POLR2F: variants seen among roughly 807,000 people sequenced by gnomAD.
POLR2F encodes DNA-directed RNA polymerases I, II, and III subunit RPABC2.
A neutral mutation model predicts 22.7 loss-of-function variants in POLR2F; 12 were observed. That is an observed-to-expected ratio of 0.53 (90% confidence interval 0.34 to 0.86). The LOEUF (loss-of-function observed/expected upper bound fraction) is 0.86, where lower values mean the gene tolerates loss of function less well. POLR2F is among the 40% of genes least tolerant of loss of function. The pLI is 0.02. For synonymous variants in POLR2F, 57 were observed against 66.0 expected (o/e 0.86, Z 0.66); for missense variants, 126 against 171.5 (o/e 0.73, Z 1.48).
Position 37,968,348 on chromosome 22 carries a change from C to T in POLR2F, c.*633C>T, listed in dbSNP as rs180857842. 211 of 985,974 alleles carry T rather than the reference C, an allele frequency of 2.1e-4. 1 individual carries two copies. The East Asian group carries it at 0.011, about 52-fold the overall frequency. The allele number at this position is 985,974 out of a possible 1,614,324, so 61.1% of individuals were successfully genotyped here. On this transcript the variant is annotated 3_prime_UTR_variant, in exon 5 of 5. Coordinates refer to ENST00000442738, the MANE Select transcript of POLR2F (RefSeq NM_021974.5). The stretch of plus-strand genomic sequence containing the variant: ...CTGCCCCCATGGCTCTGTCCCCACT[C>T]CTCCTCAGGACTCTGCCCACACGCT...
At chr22:37,994,765 C>G (rs1206512268) in intron 1 of POLR2F, among the ~76,000 whole-genome samples, 1 of 152,226 alleles carries the variant, frequency 6.6e-6, no homozygotes. Flanking sequence ...CTTGGCCTCC[C>G]AAGGTGCTGG....
rs774131848 is a variant in POLR2F, at chr22:37,968,345, ACTC to A, written c.*637_*639del. The A allele has an allele frequency of 4.1e-6, 4 of 984,904 alleles. No individual in the cohort carries two copies. The highest frequency in any genetic ancestry group is 3.5e-5 in the African/African-American group (2 of 56,914). 61.0% of individuals were successfully genotyped at this position (984,904 alleles called of 1,614,324 possible). On this transcript the variant is annotated 3_prime_UTR_variant, in exon 5 of 5. Transcript: ENST00000442738. ...CCCCTGCCCCCATGGCTCTGTCCCC[ACTC>A]CTCCTCAGGACTCTGCCCACACGCT... is the stretch of plus-strand genomic sequence containing the variant.
intron 5 of POLR2F, among the ~76,000 whole-genome samples, chr22:38,039,005 G>A (rs1024662751): frequency 3.5e-4 from 54 of 152,280 alleles, no homozygotes; most frequent in African/African-American, 1.3e-3. Context: ...GGAGTGGCAG[G>A]ACCCTCCCGT....
intron 1 of POLR2F, among the ~76,000 whole-genome samples, chr22:38,018,154 G>A (rs557870921): frequency 1.1e-4 from 16 of 152,210 alleles, no homozygotes; most frequent in Non-Finnish European, 2.2e-4. Flanking sequence ...GGCTGTGATC[G>A]AAACCAGGGC....
intron 1 of POLR2F, among the ~76,000 whole-genome samples, chr22:38,001,445 G>A (rs762505009): frequency 1.3e-5 from 2 of 152,306 alleles, no homozygotes; most frequent in South Asian, 2.1e-4. Flanking sequence ...GGGAATTTAC[G>A]AATTTATTCA....
downstream of POLR2F, chr22:37,970,607 A>AAAAG: frequency 6.7e-6 from 1 of 148,836 alleles, no homozygotes; most frequent in East Asian, 1.9e-4. Flanking sequence ...CTCCATCTAA[A>AAAAG]AAAAAAAAAA....
At chr22:37,962,284 G>A (rs1379510261) in intron 3 of POLR2F, among the ~76,000 whole-genome samples, 1 of 152,004 alleles carries the variant, frequency 6.6e-6, no homozygotes, top group African/African-American at 2.4e-5. Flanking sequence ...CCAGATTTGT[G>A]GACTCTGTGT....
chr22:37,981,107 G>A (rs1262318728), intron 4 of POLR2F, among the ~76,000 whole-genome samples: 2 of 152,210 alleles, frequency 1.3e-5, no homozygotes, highest in East Asian at 3.8e-4. Context: ...GCTCCAGTGT[G>A]TCTGATCCCA....
At chr22:37,970,211 G>A (rs1331931798), downstream of POLR2F, among the ~76,000 whole-genome samples, 5 of 150,200 alleles carry the variant, frequency 3.3e-5, no homozygotes, top group African/African-American at 7.4e-5. Context: ...GGAGAATGGC[G>A]TGAACCCGGG....
At chr22:38,011,992 C>T (rs940523937) in intron 1 of POLR2F, among the ~76,000 whole-genome samples, 7 of 151,778 alleles carry the variant, frequency 4.6e-5, no homozygotes, top group African/African-American at 1.7e-4. Context: ...CATAATAAAG[C>T]ACCAAGCAAT....
downstream of POLR2F, chr22:38,041,237 C>A: frequency 7.2e-7 from 1 of 1,383,970 alleles, no homozygotes; most frequent in Non-Finnish European, 9.9e-7. Flanking sequence ...ACTGATGGAC[C>A]AGATGGCGGG....
intron 3 of POLR2F, among the ~76,000 whole-genome samples, 184 bp downstream of exon 3, chr22:37,959,660 A>G (rs1400455719): frequency 6.6e-6 from 1 of 152,026 alleles, no homozygotes; most frequent in Non-Finnish European, 1.5e-5. Context: ...GTGATCTAAT[A>G]GGAGAACTAG....
downstream of POLR2F, among the ~76,000 whole-genome samples, chr22:38,030,842 A>T (rs1039262056): frequency 1.3e-5 from 2 of 152,038 alleles, no homozygotes; most frequent in Non-Finnish European, 2.9e-5. Flanking sequence ...TTCCCCGGGG[A>T]TCAGGAACAG....
At chr22:38,007,564 G>A (rs1273335566) in intron 1 of POLR2F, among the ~76,000 whole-genome samples, 1 of 152,184 alleles carries the variant, frequency 6.6e-6, no homozygotes, top group Non-Finnish European at 1.5e-5. Context: ...TCCAAGACCC[G>A]CTTTCACGTC....
intron 1 of POLR2F, among the ~76,000 whole-genome samples, chr22:37,995,693 G>A (rs2084706296): frequency 6.6e-6 from 1 of 152,060 alleles, no homozygotes; most frequent in Non-Finnish European, 1.5e-5. Flanking sequence ...GCTGGGAGAG[G>A]CAGGTACAGT....
At chr22:37,973,688 G>C (rs1267692497), downstream of POLR2F, 1 of 1,610,186 alleles carries the variant, frequency 6.2e-7, no homozygotes, top group Non-Finnish European at 8.5e-7. Flanking sequence ...CTGATGGTCA[G>C]AGTAGTCAAA....
At chr22:38,027,125 G>A (rs190399762), downstream of POLR2F, among the ~76,000 whole-genome samples, 9 of 152,286 alleles carry the variant, frequency 5.9e-5, no homozygotes, top group East Asian at 9.6e-4. Flanking sequence ...CATAGGGTGC[G>A]GGATGACGCC....
intron 4 of POLR2F, among the ~76,000 whole-genome samples, chr22:37,976,158 C>T (rs575193367): frequency 2.0e-5 from 3 of 152,226 alleles, no homozygotes; most frequent in Admixed American, 1.3e-4. Context: ...AGGAGGCAGA[C>T]GTTGCAGTGA....
intron 1 of POLR2F, among the ~76,000 whole-genome samples, chr22:37,998,337 C>T (rs911879621): frequency 1.3e-4 from 20 of 152,210 alleles, no homozygotes; most frequent in African/African-American, 3.9e-4. Flanking sequence ...AGGGCCGGGC[C>T]GAGGGTCTGA....
Sources: gnomAD v4.1 joint callset for allele counts (sites outside exome capture counted in the v4.1 genomes callset) on GRCh38, gnomAD v4.1.1 for gene constraint, MANE v1.5 for transcripts, NCBI Gene and HGNC (gene_info 2026-07-23, HGNC 2026-07-21) for gene names.